Variants in FILIP1L observed in about 807,000 individuals in gnomAD.
FILIP1L encodes filamin A-interacting protein 1-like.
A neutral mutation model predicts 96.6 loss-of-function variants in FILIP1L; 55 were observed. That is an observed-to-expected ratio of 0.57 (90% CI 0.46 to 0.71). The LOEUF is 0.71. Among genes scored for constraint, FILIP1L ranks in the 30% least tolerant of loss-of-function variants. The pLI is 0.00. For missense variants in FILIP1L, 1,304 were observed against 1,321.2 expected, an observed-to-expected ratio of 0.99 and a Z score of 0.20; for synonymous variants, 467 against 473.9, an observed-to-expected ratio of 0.99 and a Z score of 0.19.
At chr3:99,869,889 A>G (rs769368498) in intron 4 of FILIP1L, among the ~76,000 whole-genome samples, 5 of 152,206 alleles carry the variant, frequency 3.3e-5, no homozygotes, top group Admixed American at 6.5e-5. Context: ...AGGGCAGCCC[A>G]TCTTAGAGGA....
intron 4 of FILIP1L, among the ~76,000 whole-genome samples, chr3:99,892,169 T>C (rs1193732543): frequency 6.6e-6 from 1 of 152,224 alleles, no homozygotes; most frequent in African/African-American, 2.4e-5. Context: ...CTTATGTGAA[T>C]GATGCCACTT....
At chr3:99,988,006 T>C (rs1363509350) in intron 1 of FILIP1L, among the ~76,000 whole-genome samples, 1 of 152,074 alleles carries the variant, frequency 6.6e-6, no homozygotes, top group Non-Finnish European at 1.5e-5. Flanking sequence ...TCTAATCAAA[T>C]GAAAGTAAAA....
At chr3:100,070,921 G>A (rs749085133) in intron 1 of FILIP1L, among the ~76,000 whole-genome samples, 2 of 152,126 alleles carry the variant, frequency 1.3e-5, no homozygotes, top group African/African-American at 4.8e-5. Context: ...ATGAGTCACC[G>A]CGCCTGGCCT....
chr3:100,007,784 A>G (rs1029736727), intron 1 of FILIP1L, among the ~76,000 whole-genome samples: 1 of 152,190 alleles, frequency 6.6e-6, no homozygotes, highest in African/African-American at 2.4e-5. Flanking sequence ...TAGAAAAAAT[A>G]TATTAGTTAT....
chr3:99,957,012 C>G (rs2107696353), intron 1 of FILIP1L, among the ~76,000 whole-genome samples: 1 of 152,332 alleles, frequency 6.6e-6, no homozygotes, highest in African/African-American at 2.4e-5. Flanking sequence ...ATAATGCTGT[C>G]TTTTTCCCAG....
At position 99,936,037 on chromosome 3, in the gene FILIP1L, A is replaced by C. The variant is rs1707654619; in HGVS notation, c.-10-5007T>G. Among the ~76,000 whole-genome samples, 4 of 152,316 alleles carry C rather than the reference A, an allele frequency of 2.6e-5. No individual in the cohort carries two copies. In the South Asian group the frequency reaches 8.3e-4, roughly 32 times the overall value. On this transcript the variant is annotated intron_variant, in intron 1 of 5. Coordinates refer to ENST00000477258, the MANE Select transcript of FILIP1L (RefSeq NM_001387850.1). ...CATTCTTTATTAATGTTGTATATTA[A>C]AAATTACTCTACATAGTTAGGTGCT...
At chr3:99,876,152 C>T (rs997460656) in intron 4 of FILIP1L, 1 of 985,886 alleles carries the variant, frequency 1.0e-6, no homozygotes, top group African/African-American at 1.7e-5. Context: ...TGTGCGCGCT[C>T]CGAGAGTCGC....
At chr3:99,988,539 AG>A (rs933450432) in intron 1 of FILIP1L, among the ~76,000 whole-genome samples, 1 of 150,380 alleles carries the variant, frequency 6.6e-6, no homozygotes, top group Non-Finnish European at 1.5e-5. Context: ...AAGAAAGAAA[AG>A]GAAAAAAAAA....
intron 1 of FILIP1L, among the ~76,000 whole-genome samples, chr3:100,072,439 C>A (rs1224554114): frequency 6.6e-6 from 1 of 152,194 alleles, no homozygotes; most frequent in East Asian, 1.9e-4. Flanking sequence ...TGGATTCCCC[C>A]CTTTCTAGAT....
At chr3:100,049,324 C>T (rs538460789) in intron 1 of FILIP1L, among the ~76,000 whole-genome samples, 2 of 152,250 alleles carry the variant, frequency 1.3e-5, no homozygotes, top group South Asian at 2.1e-4. Context: ...GCTCTTCTAG[C>T]TTGTTATGAA....
chr3:99,850,231 G>T lies in FILIP1L; in HGVS notation c.1445C>A (p.Thr482Lys). The change falls in exon 5 of 6, where the codon ACA becomes AAA. Residue 482 changes from threonine to lysine, a missense_variant. Transcript: ENST00000477258. ...LEAIESRLEK[T>K]EFTLKEDLTK... is the part of the protein sequence containing the mutation. ...TAAATCCTCTTTTAGAGTGAATTCT[G>T]TCTTTTCTAGCCGACTTTCAATGGC... 1 of 1,613,538 alleles carries T rather than the reference G, an allele frequency of 6.2e-7. No homozygotes were observed. The highest frequency in any genetic ancestry group is 8.5e-7 in the Non-Finnish European group (1 of 1,179,970).
intron 1 of FILIP1L, among the ~76,000 whole-genome samples, chr3:100,072,529 A>G (rs1421233592): frequency 6.6e-6 from 1 of 152,212 alleles, no homozygotes; most frequent in South Asian, 2.1e-4. Context: ...ATCTTGCATT[A>G]CTTTGTAAAG....
intron 4 of FILIP1L, among the ~76,000 whole-genome samples, chr3:99,855,235 C>T (rs1943903775): frequency 6.6e-6 from 1 of 152,122 alleles, no homozygotes; most frequent in African/African-American, 2.4e-5. Context: ...GCTAAATTAA[C>T]TAAAATCTGT....
chr3:99,924,065 C>T (rs1186385839), intron 4 of FILIP1L, among the ~76,000 whole-genome samples, 165 bp downstream of exon 4: 2 of 152,206 alleles, frequency 1.3e-5, no homozygotes, highest in African/African-American at 4.8e-5. Flanking sequence ...GTTATCCATA[C>T]ATTGTACTGA....
intron 1 of FILIP1L, among the ~76,000 whole-genome samples, chr3:100,047,309 A>C (rs747048433): frequency 2.0e-4 from 31 of 152,244 alleles, no homozygotes; most frequent in Non-Finnish European, 3.8e-4. Context: ...CTTGAAGAAA[A>C]GGTGCTTCCA....
intron 1 of FILIP1L, among the ~76,000 whole-genome samples, chr3:100,083,215 C>T (rs1281802921): frequency 2.6e-5 from 4 of 152,212 alleles, no homozygotes; most frequent in African/African-American, 9.6e-5. Flanking sequence ...GAATATTCAA[C>T]ATAAGAATTA....
rs149879212 is a variant in FILIP1L at position 100,059,568 on chromosome 3, A to C, written c.-11+54485T>G. ...CCTCCAAGGGTAGAGGGTGTAGTTC[A>C]GAGGTTGAAGATTCAAACAGCGTTA... On this transcript the variant is annotated intron_variant, in intron 1 of 5. Coordinates refer to ENST00000477258, the MANE Select transcript of FILIP1L (RefSeq NM_001387850.1). Among the ~76,000 whole-genome samples the C allele has an allele frequency of 6.4e-3, 979 of 152,192 alleles. 5 individuals carry two copies. Among genetic ancestry groups the C allele is most frequent in the African/African-American group, 0.022 (927 of 41,510 alleles).
chr3:100,104,673 G>A (rs530297645), intron 1 of FILIP1L, among the ~76,000 whole-genome samples: 2 of 152,272 alleles, frequency 1.3e-5, no homozygotes, highest in South Asian at 2.1e-4. Flanking sequence ...TGCAGGAGTA[G>A]TAGCAGTGAA....
At position 99,930,812 on chromosome 3, in the gene FILIP1L, T is replaced by C. The variant is rs1253524010; in HGVS notation, c.209A>G (p.Asp70Gly). Residue 70 changes from aspartate to glycine, a missense_variant, in exon 2 of 6, where the codon GAT (aspartate) becomes GGT (glycine). Coordinates refer to ENST00000477258, the MANE Select transcript of FILIP1L (RefSeq NM_001387850.1). The stretch of plus-strand genomic sequence containing the variant: ...AATGCTGAGGAGAAATAACAGGTCA[T>C]CTCTTGAGAGGTCTTCTGCTTGGTG... ...NGHQAEDLSR[D>G]DLLFLLSILE... The C allele has an allele frequency of 3.1e-6, 5 of 1,612,842 alleles. No homozygotes were observed. The highest frequency in any genetic ancestry group is 2.5e-6 in the Non-Finnish European group (3 of 1,179,770).
Sources: gnomAD v4.1 joint callset for allele counts (sites outside exome capture counted in the v4.1 genomes callset) on GRCh38, gnomAD v4.1.1 for gene constraint, MANE v1.5 for transcripts, NCBI Gene and HGNC (gene_info 2026-07-23, HGNC 2026-07-21) for gene names.